The following GBE1 variants were observed in gnomAD, a reference collection of about 807,000 sequenced individuals.
GBE1 encodes the protein 1,4-alpha-glucan-branching enzyme.
In GBE1, 70 loss-of-function variants were observed where a neutral mutation model predicts 88.8. The observed-to-expected ratio is 0.79, with a 90% CI of 0.65 to 0.96. The LOEUF (loss-of-function observed/expected upper bound fraction) is 0.96, where lower values mean the gene tolerates loss of function less well. Among genes scored for constraint, GBE1 ranks in the 40% least tolerant of loss-of-function variants. The probability of loss-of-function intolerance (pLI) is 0.00; values close to 1 mark genes in which losing one functional copy is unlikely to be tolerated. For missense variants in GBE1, 872 were observed against 871.0 expected (o/e 1.00, Z -0.01); for synonymous variants, 284 against 300.1 (o/e 0.95, Z 0.56).
At chr3:81,750,659 G>GTATATATATATATGTA (rs1706512050) in intron 1 of GBE1, among the ~76,000 whole-genome samples, 4 of 35,294 alleles carry the variant, frequency 1.1e-4, no homozygotes, top group African/African-American at 8.6e-4. Flanking sequence ...ATATATATAT[G>GTATATATATATATGTA]TATATATATA....
At chr3:81,584,975 GGGCTGATGA>G (rs1703782796) in intron 10 of GBE1, among the ~76,000 whole-genome samples, 1 of 151,938 alleles carries the variant, frequency 6.6e-6, no homozygotes, top group African/African-American at 2.4e-5. Context: ...GTAAGAGATG[GGGCTGATGA>G]GGAACCTTAT....
chr3:81,750,577 G>GTATATATATGTATATGTA (rs1706492438), intron 1 of GBE1, among the ~76,000 whole-genome samples: 1 of 35,220 alleles, frequency 2.8e-5, no homozygotes, highest in African/African-American at 2.0e-4. Flanking sequence ...ATATATATAC[G>GTATATATATGTATATGTA]TATATATATA....
At chr3:81,492,305 TTC>T (rs1311964063) in intron 15 of GBE1, among the ~76,000 whole-genome samples, 7 of 152,190 alleles carry the variant, frequency 4.6e-5, no homozygotes, top group African/African-American at 1.7e-4. Context: ...ATGCAATGTT[TTC>T]TCTTTGTCAT....
In GBE1 at chr3:81,668,976, C is replaced by G. The variant is rs189639429; in HGVS notation, c.429+1862G>C. Among the ~76,000 whole-genome samples, 366 of 152,234 alleles carry G rather than the reference C, an allele frequency of 2.4e-3. 5 individuals carry two copies. Among genetic ancestry groups the G allele is most frequent in the African/African-American group, 8.4e-3 (351 of 41,544 alleles). ...GGCAGTAATTTTTAAAATTCTGATT[C>G]CCTATGCATATTACAGTACCAGGTA... On this transcript the variant is annotated intron_variant, in intron 3 of 15. Coordinates refer to ENST00000429644, the MANE Select transcript of GBE1 (RefSeq NM_000158.4).
At chr3:81,699,136 A>G (rs1483890025) in intron 2 of GBE1, among the ~76,000 whole-genome samples, 2 of 152,122 alleles carry the variant, frequency 1.3e-5, no homozygotes, top group African/African-American at 4.8e-5. Flanking sequence ...GCCTCCAAAA[A>G]CCTGCTTTCT....
chr3:81,520,782 A>G (rs1702862202), intron 14 of GBE1, among the ~76,000 whole-genome samples: 1 of 151,598 alleles, frequency 6.6e-6, no homozygotes. Flanking sequence ...GGTGATTATT[A>G]CACTGAAGAT....
chr3:81,637,791 G>A (rs915728633), intron 7 of GBE1, among the ~76,000 whole-genome samples: 2 of 151,960 alleles, frequency 1.3e-5, no homozygotes, highest in Non-Finnish European at 2.9e-5. Context: ...GTATACTGAT[G>A]CATAATAACC....
At chr3:81,628,104 C>G (rs1453146730) in intron 7 of GBE1, among the ~76,000 whole-genome samples, 2 of 152,076 alleles carry the variant, frequency 1.3e-5, no homozygotes, top group Non-Finnish European at 2.9e-5. Flanking sequence ...CCATTTGTTC[C>G]AGAGGCTTTC....
At position 81,761,427 on chromosome 3, in the gene GBE1, G is replaced by A. The variant is rs539925873; in HGVS notation, c.91C>T (p.Leu31Phe). 43 of 1,613,724 alleles carry A rather than the reference G, an allele frequency of 2.7e-5. No homozygotes were observed. In the South Asian group the frequency reaches 4.1e-4, roughly 15 times the overall value. ...TTCAAGTACGGGTCGATCTCCAGGA[G>A]TCTGGCCAGTTCGGGCACGTCAGCC... ...ALADVPELAR[L>F]LEIDPYLKPY... Residue 31 changes from leucine to phenylalanine, a missense_variant, in exon 1 of 16, where the codon CTC becomes TTC. Leu to Phe is a conservative substitution (Grantham distance 22). Transcript: ENST00000429644.
intron 7 of GBE1, among the ~76,000 whole-genome samples, chr3:81,630,557 A>ATTACT (rs1352553734): frequency 6.6e-6 from 1 of 152,210 alleles, no homozygotes; most frequent in Non-Finnish European, 1.5e-5. Context: ...CCATTACTAC[A>ATTACT]AAATTTAAGT....
intron 1 of GBE1, among the ~76,000 whole-genome samples, chr3:81,744,474 T>A (rs151311429): frequency 6.6e-6 from 1 of 152,240 alleles, no homozygotes; most frequent in Non-Finnish European, 1.5e-5. Context: ...AGGAGGAGCA[T>A]GAGCATTCAG....
intron 7 of GBE1, among the ~76,000 whole-genome samples, chr3:81,611,470 C>G (rs1254327370): frequency 6.6e-6 from 1 of 152,074 alleles, no homozygotes; most frequent in South Asian, 2.1e-4. Context: ...CAAAGGCACA[C>G]GATGTAGAAA....
chr3:81,630,453 C>T (rs1473401880), intron 7 of GBE1, among the ~76,000 whole-genome samples: 1 of 152,144 alleles, frequency 6.6e-6, no homozygotes, highest in Non-Finnish European at 1.5e-5. Context: ...ATTGCCAAGT[C>T]AATCCTAAGC....
At chr3:81,619,942 G>A (rs1049654768) in intron 7 of GBE1, among the ~76,000 whole-genome samples, 15 of 151,456 alleles carry the variant, frequency 9.9e-5, no homozygotes, top group Non-Finnish European at 1.3e-4. Flanking sequence ...GTTAAAAAAC[G>A]TAGCATTAAA....
intron 7 of GBE1, chr3:81,612,753 G>A: frequency 2.2e-6 from 1 of 449,100 alleles, no homozygotes; most frequent in Non-Finnish European, 4.3e-6. Flanking sequence ...CAAGCCTGCA[G>A]GAGCAGATGT....
chr3:81,725,204 T>C (rs1204760609), intron 1 of GBE1, among the ~76,000 whole-genome samples: 2 of 152,198 alleles, frequency 1.3e-5, no homozygotes, highest in African/African-American at 4.8e-5. Context: ...ACAGTAACTT[T>C]TCTATTTTAT....
chr3:81,553,381 G>C (rs913955445), intron 12 of GBE1, among the ~76,000 whole-genome samples: 3 of 151,754 alleles, frequency 2.0e-5, no homozygotes, highest in Non-Finnish European at 4.4e-5. Flanking sequence ...ATTATGCTGT[G>C]TTTTGTATGT....
intron 15 of GBE1, among the ~76,000 whole-genome samples, chr3:81,493,883 T>G (rs1159899532): frequency 6.6e-6 from 1 of 151,928 alleles, no homozygotes; most frequent in Non-Finnish European, 1.5e-5. Context: ...TTGTAACATA[T>G]GCACTGCAAT....
At chr3:81,734,141 T>G (rs986930911) in intron 1 of GBE1, among the ~76,000 whole-genome samples, 3 of 152,198 alleles carry the variant, frequency 2.0e-5, no homozygotes, top group Non-Finnish European at 4.4e-5. Context: ...AGCATTAAAC[T>G]ACAGAGTTGT....
Sources: allele counts gnomAD v4.1 joint callset (sites outside exome capture counted in the v4.1 genomes callset), GRCh38; gene constraint gnomAD v4.1.1; transcripts MANE v1.5; gene names NCBI Gene and HGNC (gene_info 2026-07-23, HGNC 2026-07-21).